TARS3: variants seen among roughly 807,000 people sequenced by gnomAD.
The protein encoded by TARS3 is threonyl-tRNA synthetase 3.
Under a neutral mutation model 103.5 loss-of-function variants are expected in TARS3, and 94 were observed. That is an observed-to-expected ratio of 0.91 (90% CI 0.77 to 1.08). TARS3 has a LOEUF of 1.08. TARS3 is among the 50% of genes least tolerant of loss of function. The pLI is 0.00. For missense variants in TARS3, 952 were observed against 995.2 expected (o/e 0.96, Z 0.58); for synonymous variants, 416 against 355.4 (o/e 1.17, Z -1.92).
At chr15:101,707,416 A>G (rs1328654779) in intron 6 of TARS3, among the ~76,000 whole-genome samples, 2 of 152,250 alleles carry the variant, frequency 1.3e-5, no homozygotes, top group African/African-American at 4.8e-5. Flanking sequence ...TCACAATAGT[A>G]GCCAAAAGGC....
Position 101,654,541 on chromosome 15 carries a change from T to C in TARS3, c.*41A>G. On this transcript the variant is annotated 3_prime_UTR_variant, in exon 19 of 19. Coordinates refer to ENST00000335968, the MANE Select transcript of TARS3 (RefSeq NM_152334.3). Reference sequence around the variant, plus strand: ...GTTAAGAAAAATACATTTTTAAGGGTCAAAACAAAGTTACACAGAAGCAAA... The same window carrying C: ...GTTAAGAAAAATACATTTTTAAGGGCCAAAACAAAGTTACACAGAAGCAAA... 6.3e-7 allele frequency: 1 copy of C among 1,595,292 alleles called. No individual in the cohort carries two copies. Among genetic ancestry groups the C allele is most frequent in the East Asian group, 2.2e-5 (1 of 44,728 alleles).
intron 2 of TARS3, among the ~76,000 whole-genome samples, chr15:101,722,736 T>C (rs1444132857): frequency 6.6e-6 from 1 of 150,768 alleles, no homozygotes; most frequent in African/African-American, 2.4e-5. Flanking sequence ...GGAGAATCGC[T>C]TGAACCTGGG....
intron 18 of TARS3, chr15:101,655,821 A>G: frequency 8.1e-7 from 1 of 1,235,036 alleles, no homozygotes; most frequent in Non-Finnish European, 1.0e-6. Context: ...GGTGCAGATG[A>G]GAGCGGGGAG....
At chr15:101,672,608 G>A (rs952084700) in intron 13 of TARS3, among the ~76,000 whole-genome samples, 1 of 62,940 alleles carries the variant, frequency 1.6e-5, no homozygotes, top group African/African-American at 4.7e-5. Flanking sequence ...TGACTCCTGG[G>A]AAAGCTGACT....
chr15:101,689,879 C>A (rs187245377), intron 10 of TARS3, among the ~76,000 whole-genome samples: 126 of 152,248 alleles, frequency 8.3e-4, no homozygotes, highest in African/African-American at 2.9e-3. Context: ...CAGGATAAGG[C>A]GAATGTGGAA....
At chr15:101,669,743 C>T (rs1897723525) in intron 15 of TARS3, among the ~76,000 whole-genome samples, 1 of 152,168 alleles carries the variant, frequency 6.6e-6, no homozygotes, top group South Asian at 2.1e-4. Context: ...ATAGTCTAGA[C>T]CATATTAGCC....
At chr15:101,670,736 C>G (rs1465337321) in intron 15 of TARS3, among the ~76,000 whole-genome samples, 1 of 152,134 alleles carries the variant, frequency 6.6e-6, no homozygotes, top group East Asian at 1.9e-4. Context: ...TTCATAATCA[C>G]CAAGAACTGG....
In TARS3 at chr15:101,702,401, G is replaced by A. The variant is rs372619126; in HGVS notation, c.1075-16C>T. ...TTGAGGAATTCTAAATATCAAAGAG[G>A]ATTTTGGTAAATATATCATACATTC... On this transcript the variant is annotated splice_polypyrimidine_tract_variant and intron_variant, in intron 8 of 18. Transcript: ENST00000335968. The A allele has an allele frequency of 4.4e-6, 7 of 1,609,044 alleles. No homozygotes were observed. In the African/African-American group the frequency reaches 6.7e-5, roughly 15 times the overall value.
intron 4 of TARS3, among the ~76,000 whole-genome samples, chr15:101,712,393 TTC>T (rs1186000945): frequency 6.6e-6 from 1 of 152,188 alleles, no homozygotes; most frequent in Non-Finnish European, 1.5e-5. Flanking sequence ...GCTAGCTGTC[TTC>T]TTTTTCTCCA....
chr15:101,675,042 G>A (rs527858559), intron 13 of TARS3, among the ~76,000 whole-genome samples: 1 of 152,050 alleles, frequency 6.6e-6, no homozygotes, highest in South Asian at 2.1e-4. Context: ...TAATAAAAGT[G>A]AACACAGGAA....
rs745681053 is a variant in TARS3 at position 101,721,223 on chromosome 15, C to A, written c.469G>T (p.Asp157Tyr). The part of the protein sequence containing the change: ...LLLAIYGKKG[D>Y]TSNIITVRVA... ...CTTACTGTGATGATGTTGCTTGTAT[C>A]CCCCTTTTTTCCATAAATGGCAAGT... is the stretch of plus-strand genomic sequence containing the variant. The change falls in exon 3 of 19, where the codon GAT becomes TAT. Residue 157 changes from aspartate (D) to tyrosine (Y), a missense_variant. Around this residue, in one of 2 missense-constraint regions of TARS3, gnomAD observed 412 missense variants for 364.2 expected, o/e 1.13. Transcript: ENST00000335968. 2 of 1,613,902 alleles carry A rather than the reference C, an allele frequency of 1.2e-6. No homozygotes were observed. Among genetic ancestry groups the A allele is most frequent in the East Asian group, 2.2e-5 (1 of 44,900 alleles).
chr15:101,722,477 T>C (rs1900523800), intron 2 of TARS3, among the ~76,000 whole-genome samples: 1 of 147,656 alleles, frequency 6.8e-6, no homozygotes, highest in Non-Finnish European at 1.5e-5. Context: ...TAATGCTTTA[T>C]ATACAAAAGC....
At chr15:101,694,305 C>G (rs549173524) in intron 10 of TARS3, among the ~76,000 whole-genome samples, 2 of 152,344 alleles carry the variant, frequency 1.3e-5, no homozygotes, top group African/African-American at 4.8e-5. Flanking sequence ...ATCCCTTCCA[C>G]AGAAATGCAG....
chr15:101,657,034 T>C lies in TARS3; in HGVS notation c.2148A>G (p.Val716=). 2.5e-6 allele frequency: 4 copies of C among 1,602,642 alleles called. No individual in the cohort carries two copies. The highest frequency in any genetic ancestry group is 3.4e-6 in the Non-Finnish European group (4 of 1,169,832). ...GPTCEKYALQ[V]SSEFFEEGFM... is the part of the protein sequence containing the mutation. The stretch of plus-strand genomic sequence containing the variant: ...ATCCTTCTTCAAAAAATTCACTGGA[T>C]ACCTAGAAGAAAATGAAACACCTTT... The change falls in exon 18 of 19, where the codon GTA becomes GTG. Residue 716 remains valine (V), a splice_region_variant and synonymous_variant. Coordinates refer to ENST00000335968, the MANE Select transcript of TARS3 (RefSeq NM_152334.3).
At position 101,714,956 on chromosome 15, in the gene TARS3, G is replaced by A. The variant is rs142669090; in HGVS notation, c.574C>T (p.Leu192=). 14 of 1,605,450 alleles carry A rather than the reference G, an allele frequency of 8.7e-6. No homozygotes were observed. The highest frequency in any genetic ancestry group is 1.3e-5 in the African/African-American group (1 of 74,678). The change falls in exon 4 of 19, where the codon CTG becomes TTG. Residue 192 remains leucine, a synonymous_variant. Transcript: ENST00000335968. ...TTGGCTATTACCGTGCTTTCAGCCAGTTCCTGACTAAGAAGACAAAAGCCA... is the reference window on the plus strand; with the variant it reads ...TTGGCTATTACCGTGCTTTCAGCCAATTCCTGACTAAGAAGACAAAAGCCA... The part of the protein sequence containing the change: ...YQVAAEISQE[L]AESTVIAKVN...
At chr15:101,674,991 A>T (rs1379931365) in intron 13 of TARS3, among the ~76,000 whole-genome samples, 2 of 152,146 alleles carry the variant, frequency 1.3e-5, no homozygotes, top group Admixed American at 1.3e-4. Context: ...GAGAACTAAC[A>T]GGCAGAGCAG....
Position 101,685,886 on chromosome 15 carries a change from T to C in TARS3, c.1487+10A>G. On this transcript the variant is annotated intron_variant, in intron 11 of 18. Coordinates refer to ENST00000335968, the MANE Select transcript of TARS3 (RefSeq NM_152334.3). Reference sequence around the variant, plus strand: ...CTCATGAAAAGGTCTGCTTCGCTTTTAATACTCACCAGTGCCCTGGACAAT... The same window carrying C: ...CTCATGAAAAGGTCTGCTTCGCTTTCAATACTCACCAGTGCCCTGGACAAT... 6.2e-7 allele frequency: 1 copy of C among 1,610,814 alleles called. No homozygotes were observed. The highest frequency in any genetic ancestry group is 8.5e-7 in the Non-Finnish European group (1 of 1,178,000).
rs371328569 is a variant in TARS3, at chr15:101,671,562, T to A, written c.1891A>T (p.Ile631Phe). 71 of 1,611,486 alleles carry A rather than the reference T, an allele frequency of 4.4e-5. 1 individual carries two copies. Among genetic ancestry groups the A allele is most frequent in the Non-Finnish European group, 4.8e-5 (57 of 1,177,786 alleles). Residue 631 changes from isoleucine to phenylalanine, a missense_variant, in exon 15 of 19, where the codon ATT becomes TTT. Around this residue, in one of 2 missense-constraint regions of TARS3, gnomAD observed 540 missense variants for 631.0 expected, o/e 0.86. Coordinates refer to ENST00000335968, the MANE Select transcript of TARS3 (RefSeq NM_152334.3). ...GTAGCACATTGATGGTATCTGCCAA[T>A]AGCATCCTTGATTTTTATGTCAATC... is the stretch of plus-strand genomic sequence containing the variant. ...PKIDIKIKDA[I>F]GRYHQCATIQ...
intron 15 of TARS3, among the ~76,000 whole-genome samples, chr15:101,669,633 T>C (rs1897719442): frequency 6.6e-6 from 1 of 152,220 alleles, no homozygotes; most frequent in South Asian, 2.1e-4. Flanking sequence ...CTTTTCTATG[T>C]TGAGATATGT....
Sources: allele counts gnomAD v4.1 joint callset (sites outside exome capture counted in the v4.1 genomes callset), GRCh38; gene constraint gnomAD v4.1.1; regional missense constraint gnomAD v4.1.1; transcripts MANE v1.5; gene names NCBI Gene and HGNC (gene_info 2026-07-23, HGNC 2026-07-21).